The following RGS7 variants were observed in gnomAD, a reference collection of about 807,000 sequenced individuals.
RGS7 encodes the protein regulator of G-protein signaling 7.
Under a neutral mutation model 81.1 loss-of-function variants are expected in RGS7, and 27 were observed. The observed-to-expected ratio is 0.33, with a 90% CI of 0.25 to 0.46. The LOEUF (loss-of-function observed/expected upper bound fraction) is 0.46, where lower values mean the gene tolerates loss of function less well. Ranked by LOEUF, RGS7 falls within the 20% of genes least tolerant of loss-of-function variation. The probability of loss-of-function intolerance (pLI) is 1.00; values close to 1 mark genes in which losing one functional copy is unlikely to be tolerated. For missense variants in RGS7, 396 were observed against 607.4 expected (o/e 0.65, Z 3.66); for synonymous variants, 208 against 207.7 (o/e 1.00, Z -0.01).
Position 241,098,446 on chromosome 1 carries a change from G to A in RGS7, c.175+220C>T, listed in dbSNP as rs146640123. On this transcript the variant is annotated intron_variant, in intron 3 of 18. Transcript: ENST00000440928. Reference sequence around the variant, plus strand: ...TGTTTTACTTCGCATTTGTTCATTCGGTCTTTACAAACTAACCTAGAGCAG... The same window carrying A: ...TGTTTTACTTCGCATTTGTTCATTCAGTCTTTACAAACTAACCTAGAGCAG... Among the ~76,000 whole-genome samples the A allele has an allele frequency of 7.9e-5, 12 of 151,838 alleles. No homozygotes were observed. The East Asian group carries it at 1.5e-3, about 20-fold the overall frequency.
At chr1:240,812,165 A>T in intron 13 of RGS7, 122 bp from the exon 14 acceptor site, 1 of 985,162 alleles carries the variant, frequency 1.0e-6, no homozygotes, top group South Asian at 1.4e-5. Flanking sequence ...TTTCTTTAAA[A>T]ATATATATAT....
intron 6 of RGS7, among the ~76,000 whole-genome samples, chr1:240,910,096 G>T (rs1444091545): frequency 6.6e-6 from 1 of 152,048 alleles, no homozygotes; most frequent in African/African-American, 2.4e-5. Context: ...TTTATATCTT[G>T]TATTTATCCC....
chr1:240,934,034 G>A (rs567431765), intron 5 of RGS7, among the ~76,000 whole-genome samples: 25 of 152,194 alleles, frequency 1.6e-4, no homozygotes, highest in Admixed American at 1.3e-4. Context: ...CACCATCTTG[G>A]CTCACTGCAA....
intron 3 of RGS7, among the ~76,000 whole-genome samples, chr1:241,078,831 T>C (rs575442148): frequency 6.6e-6 from 1 of 152,246 alleles, no homozygotes; most frequent in East Asian, 1.9e-4. Flanking sequence ...CATATATGCA[T>C]CAGAGCCAGG....
At chr1:241,239,218 C>T (rs925641497) in intron 2 of RGS7, among the ~76,000 whole-genome samples, 5 of 150,168 alleles carry the variant, frequency 3.3e-5, no homozygotes, top group African/African-American at 1.3e-4. Flanking sequence ...CTGCCTCCCA[C>T]GGCCTCACAA....
intron 3 of RGS7, among the ~76,000 whole-genome samples, chr1:240,993,813 AT>A (rs992868815): frequency 3.9e-5 from 6 of 151,988 alleles, no homozygotes; most frequent in African/African-American, 9.6e-5. Context: ...ATTTTCCTAA[AT>A]TTTTTTTGTT....
At chr1:241,006,755 TTATAGGTGGACTTTCTTCCACCTC>T (rs1341455764) in intron 3 of RGS7, among the ~76,000 whole-genome samples, 2 of 152,174 alleles carry the variant, frequency 1.3e-5, no homozygotes, top group African/African-American at 4.8e-5. Context: ...ACGGGTTCCC[TTATAGGTGGACTTTCTTCCACCTC>T]TGCCACGAAA....
Position 241,054,725 on chromosome 1 carries a change from A to G in RGS7, c.175+43941T>C, listed in dbSNP as rs188090502. Among the ~76,000 whole-genome samples the G allele has an allele frequency of 4.6e-5, 7 of 152,346 alleles. No individual in the cohort carries two copies. The East Asian group carries it at 1.4e-3, about 29-fold the overall frequency. On this transcript the variant is annotated intron_variant, in intron 3 of 18. Coordinates refer to ENST00000440928, the MANE Select transcript of RGS7 (RefSeq NM_001364886.1). ...TGCTTGGACCAAATCCCAAGAATCA[A>G]CCTTGACTCTTCTATTTTCTTTCTT...
At chr1:241,090,315 A>G (rs1484054770) in intron 3 of RGS7, among the ~76,000 whole-genome samples, 4 of 152,136 alleles carry the variant, frequency 2.6e-5, no homozygotes, top group African/African-American at 7.2e-5. Flanking sequence ...GGGGATAAGA[A>G]GAGTCAAGGC....
chr1:241,152,384 G>T (rs557522136), intron 2 of RGS7, among the ~76,000 whole-genome samples: 1 of 152,258 alleles, frequency 6.6e-6, no homozygotes, highest in South Asian at 2.1e-4. Context: ...TTGAAAATAC[G>T]ATCATTCATT....
intron 2 of RGS7, among the ~76,000 whole-genome samples, chr1:241,304,613 G>A (rs1396883275): frequency 6.6e-6 from 1 of 152,192 alleles, no homozygotes; most frequent in Non-Finnish European, 1.5e-5. Context: ...CGGGTGTTGT[G>A]AAGAGAACTG....
At chr1:241,002,525 T>C (rs1433194657) in intron 3 of RGS7, among the ~76,000 whole-genome samples, 2 of 152,186 alleles carry the variant, frequency 1.3e-5, no homozygotes, top group African/African-American at 4.8e-5. Context: ...AAGTGTATTC[T>C]TCCATGTTGT....
intron 16 of RGS7, among the ~76,000 whole-genome samples, 194 bp downstream of exon 16, chr1:240,802,710 A>G (rs1177841564): frequency 6.6e-6 from 1 of 152,186 alleles, no homozygotes; most frequent in Non-Finnish European, 1.5e-5. Context: ...AAACAAACAG[A>G]AAGTAATACA....
chr1:240,972,259 C>T (rs894660768), intron 4 of RGS7, among the ~76,000 whole-genome samples: 7 of 151,532 alleles, frequency 4.6e-5, no homozygotes, highest in Admixed American at 6.6e-5. Context: ...ATGTTTATTG[C>T]GGCATTATTC....
chr1:241,002,357 G>A (rs1163219878), intron 3 of RGS7, among the ~76,000 whole-genome samples: 1 of 151,884 alleles, frequency 6.6e-6, no homozygotes, highest in Non-Finnish European at 1.5e-5. Flanking sequence ...GGAGGCTGAG[G>A]CATGGGAATG....
chr1:241,265,533 T>C (rs1376401664), intron 2 of RGS7, among the ~76,000 whole-genome samples: 18 of 152,166 alleles, frequency 1.2e-4, no homozygotes, highest in Admixed American at 1.2e-3. Flanking sequence ...AACCACAGGA[T>C]GCAGCCTCCA....
intron 2 of RGS7, among the ~76,000 whole-genome samples, chr1:241,296,001 T>C (rs2079400248): frequency 1.3e-5 from 2 of 152,268 alleles, no homozygotes; most frequent in South Asian, 4.1e-4. Context: ...TATGTGCAGC[T>C]TATTTCGAAC....
intron 2 of RGS7, among the ~76,000 whole-genome samples, chr1:241,292,308 A>G (rs1431691371): frequency 7.9e-5 from 12 of 152,238 alleles, no homozygotes; most frequent in Admixed American, 7.9e-4. Flanking sequence ...TATCATTATT[A>G]AGTATTATGT....
chr1:240,821,487 A>T (rs1008926172), intron 10 of RGS7, among the ~76,000 whole-genome samples: 6 of 152,180 alleles, frequency 3.9e-5, no homozygotes, highest in African/African-American at 1.2e-4. Context: ...ATTCATTTTC[A>T]TTTGAGCAGT....
Sources: allele counts gnomAD v4.1 joint callset (sites outside exome capture counted in the v4.1 genomes callset), GRCh38; gene constraint gnomAD v4.1.1; transcripts MANE v1.5; gene names NCBI Gene and HGNC (gene_info 2026-07-23, HGNC 2026-07-21).